Variants in NLGN1 observed in about 807,000 individuals in gnomAD.
NLGN1 encodes the protein neuroligin 1.
NLGN1 carries 12 observed loss-of-function variants against 65.5 expected under a neutral mutation model. The ratio of observed to expected loss-of-function variants is 0.18; its 90% CI spans 0.12 to 0.30. NLGN1 has a LOEUF of 0.30. NLGN1 is among the 10% of genes least tolerant of loss of function. The pLI is 1.00. For missense variants in NLGN1, 750 were observed against 1,007.1 expected (o/e 0.74, Z 3.46); for synonymous variants, 350 against 359.5 (o/e 0.97, Z 0.30).
chr3:173,925,571 G>A (rs1742846357), intron 4 of NLGN1, among the ~76,000 whole-genome samples: 1 of 152,140 alleles, frequency 6.6e-6, no homozygotes, highest in Non-Finnish European at 1.5e-5. Context: ...CTGCTAACCT[G>A]GGAGCTGGAA....
chr3:173,927,373 T>A (rs1166279166), intron 4 of NLGN1, among the ~76,000 whole-genome samples: 1 of 152,142 alleles, frequency 6.6e-6, no homozygotes, highest in Non-Finnish European at 1.5e-5. Context: ...ATTGCCTCAT[T>A]TTTTAGTATT....
At chr3:173,629,110 T>C (rs966387401) in intron 3 of NLGN1, among the ~76,000 whole-genome samples, 20 of 152,150 alleles carry the variant, frequency 1.3e-4, no homozygotes, top group African/African-American at 4.8e-4. Context: ...TTTTTTATTT[T>C]TCAATTTAAT....
intron 3 of NLGN1, among the ~76,000 whole-genome samples, chr3:173,711,364 A>G (rs1347781143): frequency 6.6e-6 from 1 of 152,210 alleles, no homozygotes; most frequent in Admixed American, 6.5e-5. Context: ...GTAGGACAAT[A>G]AACCAAGTCA....
chr3:173,417,813 A>G (rs1013580061), intron 1 of NLGN1, among the ~76,000 whole-genome samples: 3 of 152,084 alleles, frequency 2.0e-5, no homozygotes, highest in East Asian at 1.9e-4. Flanking sequence ...TAAATTAACT[A>G]TGTTTTTTAG....
intron 4 of NLGN1, among the ~76,000 whole-genome samples, chr3:173,918,825 A>G (rs1391667251): frequency 6.6e-6 from 1 of 151,888 alleles, no homozygotes; most frequent in Non-Finnish European, 1.5e-5. Flanking sequence ...AAAACAACAT[A>G]AATTTATTAT....
intron 4 of NLGN1, among the ~76,000 whole-genome samples, chr3:174,045,702 A>G (rs1733415961): frequency 6.6e-6 from 1 of 152,212 alleles, no homozygotes; most frequent in Non-Finnish European, 1.5e-5. Context: ...ATTTCAAACC[A>G]GTATTCCTCT....
intron 4 of NLGN1, among the ~76,000 whole-genome samples, chr3:173,991,769 CAGA>C (rs1337548251): frequency 1.3e-5 from 2 of 152,070 alleles, no homozygotes; most frequent in Non-Finnish European, 2.9e-5. Context: ...CATCAGGACA[CAGA>C]AGAATTATCT....
intron 4 of NLGN1, among the ~76,000 whole-genome samples, chr3:174,037,246 C>T (rs1276324518): frequency 1.3e-5 from 2 of 152,184 alleles, no homozygotes; most frequent in Non-Finnish European, 2.9e-5. Flanking sequence ...TTTTCCTCTG[C>T]AACCTCATCA....
At chr3:174,211,957 C>T (rs867695517) in intron 4 of NLGN1, among the ~76,000 whole-genome samples, 10 of 152,196 alleles carry the variant, frequency 6.6e-5, no homozygotes, top group East Asian at 1.9e-4. Flanking sequence ...CTGCCAGTCC[C>T]GCGCCATGCG....
chr3:173,437,283 A>G (rs1718312838), intron 2 of NLGN1, among the ~76,000 whole-genome samples: 1 of 152,152 alleles, frequency 6.6e-6, no homozygotes. Flanking sequence ...TGTCACTGCC[A>G]ATACCACATG....
chr3:173,896,899 T>G (rs1241562589), intron 4 of NLGN1, among the ~76,000 whole-genome samples: 2 of 152,170 alleles, frequency 1.3e-5, no homozygotes, highest in Non-Finnish European at 2.9e-5. Flanking sequence ...CACTCATTGT[T>G]CCTTTTCCTT....
At chr3:174,270,411 A>G (rs1350921447) in intron 4 of NLGN1, among the ~76,000 whole-genome samples, 1 of 151,808 alleles carries the variant, frequency 6.6e-6, no homozygotes, top group African/African-American at 2.4e-5. Flanking sequence ...TTCTTTTGCC[A>G]TTGCATAGTC....
At chr3:174,066,560 CTCTCTGTGTGTGTG>C (rs1738639457) in intron 4 of NLGN1, among the ~76,000 whole-genome samples, 1 of 133,924 alleles carries the variant, frequency 7.5e-6, no homozygotes, top group Non-Finnish European at 1.5e-5. Flanking sequence ...CTCTCTCTCT[CTCTCTGTGTGTGTG>C]TGTGTGTGTG....
At chr3:173,855,953 G>A (rs1475995809) in intron 4 of NLGN1, among the ~76,000 whole-genome samples, 1 of 152,088 alleles carries the variant, frequency 6.6e-6, no homozygotes, top group Non-Finnish European at 1.5e-5. Context: ...GCTGCTTTGT[G>A]ATGAAAGAAT....
chr3:173,714,386 A>G (rs1372196830), intron 3 of NLGN1, among the ~76,000 whole-genome samples: 8 of 152,186 alleles, frequency 5.3e-5, no homozygotes, highest in African/African-American at 1.9e-4. Flanking sequence ...GCTTGACACC[A>G]TATTTGCCTT....
intron 3 of NLGN1, among the ~76,000 whole-genome samples, chr3:173,777,357 A>G (rs1439082729): frequency 1.3e-5 from 2 of 151,822 alleles, no homozygotes; most frequent in African/African-American, 4.8e-5. Context: ...CATTGAAATG[A>G]CTACTTTTTT....
chr3:174,044,589 C>G (rs1451820842), intron 4 of NLGN1, among the ~76,000 whole-genome samples: 3 of 152,128 alleles, frequency 2.0e-5, no homozygotes, highest in Admixed American at 6.5e-5. Context: ...CCGAGACCAC[C>G]TCAGCCTCTC....
chr3:174,114,795 ACC>A (rs1231732429), intron 4 of NLGN1, among the ~76,000 whole-genome samples: 4 of 152,038 alleles, frequency 2.6e-5, no homozygotes, highest in African/African-American at 9.7e-5. Flanking sequence ...GTTCATTTTT[ACC>A]CCAATTCGAA....
Position 173,437,556 on chromosome 3 carries a change from G to A in NLGN1, c.-321+2478G>A, listed in dbSNP as rs181138030. On this transcript the variant is annotated intron_variant, in intron 2 of 6. Coordinates refer to ENST00000457714, the Ensembl canonical transcript of NLGN1. Reference sequence around the variant, plus strand: ...GTGTCTAATCTCAGTTGTATTCTATGGTACTTGTCTTGGAGCTGGTTCTCT... The same window carrying A: ...GTGTCTAATCTCAGTTGTATTCTATAGTACTTGTCTTGGAGCTGGTTCTCT... 5.8e-4 allele frequency among the ~76,000 whole-genome samples: 89 copies of A among 152,242 alleles called. 1 individual carries two copies. In the Middle Eastern group the frequency reaches 0.01, roughly 17 times the overall value.
Sources: allele counts gnomAD v4.1 joint callset (sites outside exome capture counted in the v4.1 genomes callset), GRCh38; gene constraint gnomAD v4.1.1; transcripts MANE v1.5; gene names NCBI Gene and HGNC (gene_info 2026-07-23, HGNC 2026-07-21).